ZMAT4: variants seen among roughly 807,000 people sequenced by gnomAD.
ZMAT4 encodes the protein zinc finger matrin-type 4, also known as zinc finger matrin-type protein 4.
In ZMAT4, 17 loss-of-function variants were observed where a neutral mutation model predicts 28.7. The ratio of observed to expected loss-of-function variants is 0.59; its 90% CI spans 0.41 to 0.89. ZMAT4 has a LOEUF of 0.89. ZMAT4 is among the 40% of genes least tolerant of loss of function. The pLI, the probability that ZMAT4 is intolerant of heterozygous loss-of-function variation, is 0.00. For missense variants in ZMAT4, 240 were observed against 283.8 expected (o/e 0.85, Z 1.11); for synonymous variants, 117 against 109.2 (o/e 1.07, Z -0.44).
chr8:40,841,264 A>G (rs1257837324), intron 1 of ZMAT4, among the ~76,000 whole-genome samples: 1 of 152,092 alleles, frequency 6.6e-6, no homozygotes, highest in Non-Finnish European at 1.5e-5. Flanking sequence ...TCAGTTTCTG[A>G]TAAGAGCCAG....
intron 3 of ZMAT4, among the ~76,000 whole-genome samples, chr8:40,723,883 A>G (rs1378374858): frequency 6.6e-6 from 1 of 152,112 alleles, no homozygotes; most frequent in Non-Finnish European, 1.5e-5. Flanking sequence ...GCCAGCAGAG[A>G]GCTGCCACTT....
At chr8:40,700,884 C>A (rs1484208850) in intron 3 of ZMAT4, among the ~76,000 whole-genome samples, 1 of 152,186 alleles carries the variant, frequency 6.6e-6, no homozygotes, top group African/African-American at 2.4e-5. Context: ...TCTTTAAGGT[C>A]TAGGAAACTG....
At chr8:40,759,522 T>A (rs1812841709) in intron 3 of ZMAT4, among the ~76,000 whole-genome samples, 1 of 152,156 alleles carries the variant, frequency 6.6e-6, no homozygotes, top group African/African-American at 2.4e-5. Flanking sequence ...TGCCATAAGA[T>A]GTTCATCTGC....
chr8:40,568,065 C>T (rs1336441462), intron 6 of ZMAT4, among the ~76,000 whole-genome samples: 2 of 152,016 alleles, frequency 1.3e-5, no homozygotes, highest in Non-Finnish European at 1.5e-5. Flanking sequence ...TCCCACAGAC[C>T]ACTGGGAGAA....
intron 5 of ZMAT4, among the ~76,000 whole-genome samples, chr8:40,665,830 T>C (rs1438080120): frequency 6.6e-6 from 1 of 152,184 alleles, no homozygotes; most frequent in Admixed American, 6.5e-5. Flanking sequence ...ACTTCACGTC[T>C]CTGGGCCTCA....
At chr8:40,559,862 A>G (rs764400820) in intron 6 of ZMAT4, among the ~76,000 whole-genome samples, 41 of 152,100 alleles carry the variant, frequency 2.7e-4, no homozygotes, top group Non-Finnish European at 4.6e-4. Flanking sequence ...ATTAGATTAG[A>G]GCTTTTCCTG....
At chr8:40,784,089 C>T (rs1813961244) in intron 2 of ZMAT4, among the ~76,000 whole-genome samples, 1 of 152,142 alleles carries the variant, frequency 6.6e-6, no homozygotes, top group Non-Finnish European at 1.5e-5. Context: ...ACCACTAACA[C>T]CACCAACAAT....
At chr8:40,748,179 A>G (rs1354653615) in intron 3 of ZMAT4, among the ~76,000 whole-genome samples, 1 of 152,206 alleles carries the variant, frequency 6.6e-6, no homozygotes, top group Non-Finnish European at 1.5e-5. Context: ...TCTTTTCCAC[A>G]TGATTTTTCT....
At chr8:40,766,621 G>A (rs1221427816) in intron 3 of ZMAT4, among the ~76,000 whole-genome samples, 1 of 152,174 alleles carries the variant, frequency 6.6e-6, no homozygotes, top group Non-Finnish European at 1.5e-5. Context: ...GATCTGCAGT[G>A]TTCCAGATTA....
At chr8:40,781,849 G>GC (rs1198051524) in intron 2 of ZMAT4, among the ~76,000 whole-genome samples, 1 of 148,516 alleles carries the variant, frequency 6.7e-6, no homozygotes, top group Non-Finnish European at 1.5e-5. Flanking sequence ...TGACAACCAT[G>GC]CCAGCACAAT....
chr8:40,857,888 A>G (rs984155653), intron 1 of ZMAT4, among the ~76,000 whole-genome samples: 2 of 152,214 alleles, frequency 1.3e-5, no homozygotes, highest in African/African-American at 2.4e-5. Context: ...AAACATTATT[A>G]TTGAAGCAAA....
chr8:40,695,765 G>T (rs574907296), intron 4 of ZMAT4, among the ~76,000 whole-genome samples: 2 of 129,294 alleles, frequency 1.5e-5, no homozygotes, highest in Non-Finnish European at 3.2e-5. Context: ...TTGCCATGTG[G>T]CAATTTTTTT....
chr8:40,820,626 ATGTG>A (rs1712209899), intron 2 of ZMAT4, among the ~76,000 whole-genome samples: 1 of 81,458 alleles, frequency 1.2e-5, no homozygotes, highest in South Asian at 5.0e-4. Context: ...ATGTGTGTGT[ATGTG>A]TGTGGGAGTG....
At chr8:40,779,240 G>A (rs2150570518) in intron 2 of ZMAT4, among the ~76,000 whole-genome samples, 1 of 152,248 alleles carries the variant, frequency 6.6e-6, no homozygotes, top group Middle Eastern at 3.4e-3. Flanking sequence ...TGTAAGACAT[G>A]CTTTTTGCCT....
Position 40,596,924 on chromosome 8 carries a change from G to A in ZMAT4, c.578-15663C>T, listed in dbSNP as rs753749838. Among the ~76,000 whole-genome samples, 72 of 152,064 alleles carry A rather than the reference G, an allele frequency of 4.7e-4. 1 individual carries two copies. Among genetic ancestry groups the A allele is most frequent in the South Asian group, 1.0e-3 (5 of 4,820 alleles). On this transcript the variant is annotated intron_variant, in intron 5 of 6. Coordinates refer to ENST00000297737, the MANE Select transcript of ZMAT4 (RefSeq NM_024645.3). ...TTCTAGCTCTGGGGCCAGTTGACTG[G>A]GATTTGAATCTCAACTCCGGCTCCT...
chr8:40,704,083 G>A (rs1810254905), intron 3 of ZMAT4, among the ~76,000 whole-genome samples: 1 of 152,206 alleles, frequency 6.6e-6, no homozygotes, highest in South Asian at 2.1e-4. Context: ...ACAGTCATCT[G>A]ATACCTTCTG....
At chr8:40,620,245 G>A (rs756535222) in intron 5 of ZMAT4, among the ~76,000 whole-genome samples, 4 of 152,184 alleles carry the variant, frequency 2.6e-5, no homozygotes, top group Non-Finnish European at 5.9e-5. Context: ...TCACAACAGA[G>A]GCTAACTATA....
intron 2 of ZMAT4, among the ~76,000 whole-genome samples, chr8:40,811,034 A>G (rs1586092971): frequency 6.6e-6 from 1 of 152,350 alleles, no homozygotes; most frequent in Admixed American, 6.5e-5. Flanking sequence ...AATGATTGGC[A>G]GATATGTAGA....
intron 5 of ZMAT4, among the ~76,000 whole-genome samples, chr8:40,671,036 C>G (rs1283061315): frequency 1.3e-5 from 2 of 150,188 alleles, no homozygotes; most frequent in African/African-American, 4.9e-5. Context: ...CCACTGCACT[C>G]CAGCCTGGCA....
Sources: allele counts gnomAD v4.1 joint callset (sites outside exome capture counted in the v4.1 genomes callset), GRCh38; gene constraint gnomAD v4.1.1; transcripts MANE v1.5; gene names NCBI Gene and HGNC (gene_info 2026-07-23, HGNC 2026-07-21).